Variants in RINT1 observed in about 807,000 individuals in gnomAD.
RINT1 encodes RAD50 interactor 1.
RINT1 carries 75 observed loss-of-function variants against 97.7 expected under a neutral mutation model. The observed-to-expected ratio is 0.77, with a 90% CI of 0.64 to 0.93. RINT1 has a LOEUF of 0.93. Ranked by LOEUF, RINT1 falls within the 40% of genes least tolerant of loss-of-function variation. The pLI, the probability that RINT1 is intolerant of heterozygous loss-of-function variation, is 0.00. For synonymous variants in RINT1, 303 were observed against 326.3 expected (o/e 0.93, Z 0.77); for missense variants, 892 against 925.2 (o/e 0.96, Z 0.47).
intron 11 of RINT1, among the ~76,000 whole-genome samples, chr7:105,558,918 C>G (rs547212438): frequency 3.3e-5 from 5 of 152,044 alleles, no homozygotes; most frequent in Non-Finnish European, 7.4e-5. Context: ...CTTCATCACA[C>G]TACTGCACTC....
rs1285834507 is a variant in RINT1, at chr7:105,536,587, T to C, written c.111T>C (p.Leu37=). ...EEKSDINVTV[L]IGSKQVSEGT... ...TAGGTGACATAAATGTTACAGTTCT[T>C]ATTGGAAGTAAACAAGTCAGTGAAG... is the stretch of plus-strand genomic sequence containing the variant. Residue 37 remains leucine, a synonymous_variant, in exon 3 of 15, where the codon CTT becomes CTC. Transcript: ENST00000257700. 1 of 1,601,556 alleles carries C rather than the reference T, an allele frequency of 6.2e-7. No homozygotes were observed. Among genetic ancestry groups the C allele is most frequent in the South Asian group, 1.1e-5 (1 of 88,550 alleles).
chr7:105,561,922 T>C (rs1012386792), intron 11 of RINT1, among the ~76,000 whole-genome samples: 3 of 152,048 alleles, frequency 2.0e-5, no homozygotes, highest in Non-Finnish European at 4.4e-5. Context: ...GAGAAAAATA[T>C]TTTTCACTAT....
chr7:105,542,284 A>G, intron 3 of RINT1, 124 bp from the exon 4 acceptor site: 1 of 695,590 alleles, frequency 1.4e-6, no homozygotes, highest in East Asian at 2.7e-5. Context: ...GCAGTGAGCT[A>G]TGATGGTACC....
intron 9 of RINT1, among the ~76,000 whole-genome samples, chr7:105,550,799 G>A (rs1433747410): frequency 2.6e-5 from 4 of 151,938 alleles, no homozygotes; most frequent in African/African-American, 9.7e-5. Context: ...CTGTTGTCCA[G>A]GCTAAAGTGC....
At chr7:105,534,050 GA>G (rs1223162926) in intron 2 of RINT1, among the ~76,000 whole-genome samples, 1 of 151,850 alleles carries the variant, frequency 6.6e-6, no homozygotes, top group Non-Finnish European at 1.5e-5. Context: ...TGCCACATTT[GA>G]ATGGTTACAC....
chr7:105,544,119 A>C (rs1377914810), intron 4 of RINT1, among the ~76,000 whole-genome samples: 1 of 151,956 alleles, frequency 6.6e-6, no homozygotes, highest in Non-Finnish European at 1.5e-5. Context: ...AACAAAAAAA[A>C]CAAAAAAACT....
At chr7:105,553,097 A>G (rs1298953487) in intron 10 of RINT1, among the ~76,000 whole-genome samples, 1 of 152,154 alleles carries the variant, frequency 6.6e-6, no homozygotes, top group East Asian at 1.9e-4. Flanking sequence ...AAGTAGGATA[A>G]TATGATGAAC....
At chr7:105,542,715 A>C (rs1043182517) in intron 4 of RINT1, 66 bp downstream of exon 4, 19 of 1,475,998 alleles carry the variant, frequency 1.3e-5, no homozygotes, top group Non-Finnish European at 1.7e-5. Flanking sequence ...TAGAGAGTAC[A>C]TGTGTGCCAT....
intron 1 of RINT1, 128 bp from the exon 2 acceptor site, chr7:105,532,696 G>T: frequency 9.9e-7 from 1 of 1,006,062 alleles, no homozygotes; most frequent in Non-Finnish European, 1.6e-6. Context: ...GGACGGCCCT[G>T]GTCGCTCAGA....
intron 4 of RINT1, among the ~76,000 whole-genome samples, chr7:105,545,345 G>A (rs1038700586): frequency 6.6e-6 from 1 of 151,102 alleles, no homozygotes; most frequent in East Asian, 1.9e-4. Context: ...CCAGCTACTC[G>A]GGAGGCTGAG....
Position 105,542,590 on chromosome 7 carries a change from T to C in RINT1, c.456T>C (p.Ile152=). The C allele has an allele frequency of 6.2e-7, 1 of 1,614,136 alleles. No homozygotes were observed. Among genetic ancestry groups the C allele is most frequent in the African/African-American group, 1.3e-5 (1 of 75,038 alleles). ...ATCTTGGAACCATGATTAGCCAGAT[T>C]GAAGAGATCGAACGTCATCTTGCTT... is the stretch of plus-strand genomic sequence containing the variant. ...MDDLGTMISQ[I]EEIERHLAYL... is the part of the protein sequence containing the mutation. The change falls in exon 4 of 15, where the codon ATT becomes ATC. Residue 152 remains isoleucine (I), a synonymous_variant. Transcript: ENST00000257700.
At chr7:105,562,627 G>C (rs1181015351) in intron 11 of RINT1, among the ~76,000 whole-genome samples, 3 of 152,076 alleles carry the variant, frequency 2.0e-5, no homozygotes, top group Admixed American at 2.0e-4. Flanking sequence ...TGCCAGGCTT[G>C]GTGACTCACG....
At chr7:105,541,271 G>A (rs974267292) in intron 3 of RINT1, among the ~76,000 whole-genome samples, 2 of 151,304 alleles carry the variant, frequency 1.3e-5, no homozygotes, top group Admixed American at 6.6e-5. Flanking sequence ...CTAGAGCTGG[G>A]ATTACAAGGT....
At chr7:105,538,031 C>T (rs761607592) in intron 3 of RINT1, among the ~76,000 whole-genome samples, 5 of 151,590 alleles carry the variant, frequency 3.3e-5, no homozygotes, top group Non-Finnish European at 7.4e-5. Context: ...CTGACTCTGT[C>T]GCCCAGACTG....
At chr7:105,546,010 G>A (rs1790653353) in intron 4 of RINT1, among the ~76,000 whole-genome samples, 1 of 131,986 alleles carries the variant, frequency 7.6e-6, no homozygotes, top group South Asian at 2.5e-4. Context: ...GGGGAAGGGG[G>A]GGCGGGGGGC....
intron 2 of RINT1, among the ~76,000 whole-genome samples, chr7:105,534,384 A>T (rs911475245): frequency 3.3e-5 from 5 of 151,988 alleles, no homozygotes; most frequent in Non-Finnish European, 5.9e-5. Context: ...AATTTTTTTT[A>T]AAAAATGAAG....
intron 2 of RINT1, chr7:105,535,618 TC>T (rs1790201504): frequency 4.4e-6 from 2 of 453,440 alleles, no homozygotes; most frequent in South Asian, 3.1e-5. Context: ...AGTAGTGAGA[TC>T]ATGGCTCACT....
rs1586272463 is a variant in RINT1 at position 105,565,375 on chromosome 7, T to TAGAG, written c.1985_1986insAGAG (p.Gln664GlyfsTer10). Reference sequence around the variant, plus strand: ...ACGTTACGAGACCATTTACTTCAGTTGGAGCAGCAGCTTTGTTTCTCCTTA... The same window carrying TAGAG: ...ACGTTACGAGACCATTTACTTCAGTTAGAGGGAGCAGCAGCTTTGTTTCTCCTTA... On this transcript the variant is annotated frameshift_variant, in exon 13 of 15. Transcript: ENST00000257700. LOFTEE classifies it high-confidence loss of function. The TAGAG allele has an allele frequency of 6.2e-6, 10 of 1,614,220 alleles. No individual in the cohort carries two copies. The highest frequency in any genetic ancestry group is 8.5e-6 in the Non-Finnish European group (10 of 1,180,040).
intron 4 of RINT1, 109 bp from the exon 5 acceptor site, chr7:105,546,800 TG>T: frequency 1.4e-6 from 1 of 711,130 alleles, no homozygotes; most frequent in Non-Finnish European, 2.3e-6. Flanking sequence ...CACTTGAACC[TG>T]GGACACAGAA....
Sources: allele counts gnomAD v4.1 joint callset (sites outside exome capture counted in the v4.1 genomes callset), GRCh38; gene constraint gnomAD v4.1.1; transcripts MANE v1.5; gene names NCBI Gene and HGNC (gene_info 2026-07-23, HGNC 2026-07-21).